TMEM71: variants seen among roughly 807,000 people sequenced by gnomAD.
TMEM71 encodes transmembrane protein 71.
TMEM71 carries 44 observed loss-of-function variants against 38.0 expected under a neutral mutation model. The ratio of observed to expected loss-of-function variants is 1.16; its 90% CI spans 0.91 to 1.49. TMEM71 has a LOEUF of 1.49. Ranked by LOEUF, TMEM71 falls within the 40% of genes most tolerant of loss-of-function variation. The pLI is 0.00. For synonymous variants in TMEM71, 133 were observed against 122.5 expected (o/e 1.09, Z -0.56); for missense variants, 367 against 348.6 (o/e 1.05, Z -0.42).
In TMEM71 at chr8:132,720,459, T is replaced by C. The variant is rs544680157; in HGVS notation, c.752+1581A>G. 1.1e-4 allele frequency among the ~76,000 whole-genome samples: 17 copies of C among 152,340 alleles called. No homozygotes were observed. In the South Asian group the frequency reaches 2.5e-3, roughly 22 times the overall value. On this transcript the variant is annotated intron_variant, in intron 7 of 9. Coordinates refer to ENST00000677595, the MANE Select transcript of TMEM71 (RefSeq NM_001382403.1). ...CACCACATTATTTCACTGATTATTA[T>C]ACTAATGCACATCATGGTCTTCCAG...
At chr8:132,760,416 G>GA (rs948686439) in intron 1 of TMEM71, 60 bp downstream of exon 1, 12 of 152,220 alleles carry the variant, frequency 7.9e-5, no homozygotes, top group East Asian at 1.9e-4. Flanking sequence ...TTCCTCGGCT[G>GA]AAAAATGTCT....
intron 4 of TMEM71, among the ~76,000 whole-genome samples, chr8:132,747,740 G>T (rs1179285883): frequency 6.6e-6 from 1 of 152,226 alleles, no homozygotes; most frequent in Non-Finnish European, 1.5e-5. Context: ...TGCATCAGAT[G>T]ATCTGACCTG....
rs1178736697 is a variant in TMEM71, at chr8:132,715,176, G to C, written c.753-961C>G. Among the ~76,000 whole-genome samples the C allele has an allele frequency of 2.0e-5, 3 of 151,930 alleles. No homozygotes were observed. The East Asian group carries it at 5.8e-4, about 29-fold the overall frequency. On this transcript the variant is annotated intron_variant, in intron 7 of 9. Transcript: ENST00000677595. ...AATCCCAGCACTTTGGGAGGCCGAG[G>C]CGGGCGGATCACGAGGTCAGGAGAT...
At chr8:132,758,730 C>G (rs763327870) in intron 2 of TMEM71, 110 bp downstream of exon 2, 5 of 883,756 alleles carry the variant, frequency 5.7e-6, no homozygotes, top group East Asian at 2.5e-5. Flanking sequence ...GCACAAGCTA[C>G]TGACAGATGG....
chr8:132,772,710 T>C, the TMEM71 span, among the ~76,000 whole-genome samples: 1 of 152,118 alleles, frequency 6.6e-6, no homozygotes. Context: ...TATGATAATA[T>C]AAAAAATTTA....
chr8:132,749,390 A>G (rs1262283389), intron 4 of TMEM71, among the ~76,000 whole-genome samples: 1 of 152,232 alleles, frequency 6.6e-6, no homozygotes, highest in African/African-American at 2.4e-5. Context: ...ACTTCTCACC[A>G]AATACACTGT....
chr8:132,712,036 T>C (rs1400747951), intron 9 of TMEM71, among the ~76,000 whole-genome samples: 1 of 152,180 alleles, frequency 6.6e-6, no homozygotes, highest in East Asian at 1.9e-4. Flanking sequence ...CGCAGAGCTC[T>C]TGGCTTTCAA....
At chr8:132,765,462 G>A (rs1452610677), upstream of TMEM71, among the ~76,000 whole-genome samples, 2 of 152,182 alleles carry the variant, frequency 1.3e-5, no homozygotes, top group Non-Finnish European at 1.5e-5. Flanking sequence ...ACCCGGCAAT[G>A]AGGGTAGAGT....
chr8:132,747,212 T>C, intron 4 of TMEM71, 98 bp from the exon 5 acceptor site: 1 of 1,035,688 alleles, frequency 9.7e-7, no homozygotes, highest in Non-Finnish European at 1.3e-6. Context: ...AACCCAAGTC[T>C]GCTCACTGCA....
chr8:132,735,129 T>C (rs1321050774), intron 5 of TMEM71, among the ~76,000 whole-genome samples: 1 of 152,192 alleles, frequency 6.6e-6, no homozygotes. Context: ...CTCTGCTCTC[T>C]TTCAGTATGA....
chr8:132,717,303 AC>A (rs1443603520), intron 7 of TMEM71, among the ~76,000 whole-genome samples: 1 of 152,234 alleles, frequency 6.6e-6, no homozygotes, highest in African/African-American at 2.4e-5. Context: ...GAAAAGGCAA[AC>A]CACAGAATAG....
chr8:132,738,656 G>A (rs185397101), intron 5 of TMEM71, among the ~76,000 whole-genome samples: 5 of 152,154 alleles, frequency 3.3e-5, no homozygotes, highest in East Asian at 3.9e-4. Context: ...GGCATAAAAG[G>A]TTCTTCAAAT....
upstream of TMEM71, among the ~76,000 whole-genome samples, chr8:132,764,684 G>A (rs1829342071): frequency 6.6e-6 from 1 of 152,164 alleles, no homozygotes; most frequent in South Asian, 2.1e-4. Flanking sequence ...TTCTGAAAGA[G>A]CTTTTTCTCT....
intron 5 of TMEM71, among the ~76,000 whole-genome samples, chr8:132,730,529 A>G (rs910950009): frequency 2.6e-5 from 4 of 152,186 alleles, no homozygotes; most frequent in African/African-American, 9.6e-5. Flanking sequence ...AGATGATGGG[A>G]GTAGCCAGGA....
chr8:132,738,514 C>T (rs1458144686), intron 5 of TMEM71, among the ~76,000 whole-genome samples: 1 of 152,178 alleles, frequency 6.6e-6, no homozygotes, highest in South Asian at 2.1e-4. Context: ...TGCCTCAGAG[C>T]TCCCATCCAA....
At chr8:132,768,261 T>C in the TMEM71 span, among the ~76,000 whole-genome samples, 1 of 152,200 alleles carries the variant, frequency 6.6e-6, no homozygotes, top group South Asian at 2.1e-4. Context: ...AGTACTTTCA[T>C]TATTTGCCTT....
intron 7 of TMEM71, among the ~76,000 whole-genome samples, chr8:132,715,324 G>C (rs1346405998): frequency 6.7e-6 from 1 of 149,584 alleles, no homozygotes; most frequent in African/African-American, 2.5e-5. Context: ...GCAGGAGAAT[G>C]GCGTGAACCC....
downstream of TMEM71, among the ~76,000 whole-genome samples, chr8:132,709,313 AACCT>A (rs1826138980): frequency 6.6e-6 from 1 of 152,202 alleles, no homozygotes; most frequent in Admixed American, 6.5e-5. Context: ...GTGATCACTT[AACCT>A]ACTTGTAAAA....
chr8:132,723,230 C>A (rs1463489534), intron 6 of TMEM71, among the ~76,000 whole-genome samples: 1 of 152,200 alleles, frequency 6.6e-6, no homozygotes, highest in African/African-American at 2.4e-5. Flanking sequence ...GTGGGTTCAA[C>A]TGAATACTCA....
Sources: gnomAD v4.1 joint callset for allele counts (sites outside exome capture counted in the v4.1 genomes callset) on GRCh38, gnomAD v4.1.1 for gene constraint, MANE v1.5 for transcripts, NCBI Gene and HGNC (gene_info 2026-07-23, HGNC 2026-07-21) for gene names.